The following CKAP5 variants were observed in gnomAD, a reference collection of about 807,000 sequenced individuals.
CKAP5 encodes cytoskeleton-associated protein 5.
In CKAP5, 27 loss-of-function variants were observed where a neutral mutation model predicts 232.8. The observed-to-expected ratio is 0.12, with a 90% CI of 0.09 to 0.16. The LOEUF (loss-of-function observed/expected upper bound fraction) is 0.16. CKAP5 is among the 10% of genes least tolerant of loss of function. The pLI is 1.00. For synonymous variants in CKAP5, 785 were observed against 841.1 expected, an observed-to-expected ratio of 0.93 and a Z score of 1.16; for missense variants, 1,838 against 2,424.7, an observed-to-expected ratio of 0.76 and a Z score of 5.08.
chr11:46,843,580 A>G (rs1940110115), intron 1 of CKAP5, among the ~76,000 whole-genome samples: 2 of 151,944 alleles, frequency 1.3e-5, no homozygotes, highest in South Asian at 4.1e-4. Flanking sequence ...AAACTAAAAA[A>G]ATTTGCCAGG....
chr11:46,783,160 C>T (rs1451694131), intron 18 of CKAP5, 114 bp downstream of exon 18: 1 of 576,400 alleles, frequency 1.7e-6, no homozygotes, highest in Non-Finnish European at 3.0e-6. Context: ...ATAAATGAGA[C>T]AATCCAGCTC....
At position 46,839,893 on chromosome 11, in the gene CKAP5, A is replaced by C. The variant is rs181852465; in HGVS notation, c.-38+6327T>G. Among the ~76,000 whole-genome samples, 423 of 152,224 alleles carry C rather than the reference A, an allele frequency of 2.8e-3. 2 individuals carry two copies. The highest frequency in any genetic ancestry group is 9.7e-3 in the African/African-American group (401 of 41,536). ...TTGGCTCATGCTTGTAACCCCAGCA[A>C]TTTGGGAGGGTAAGGAGGGCAGATT... On this transcript the variant is annotated intron_variant, in intron 1 of 43. Coordinates refer to ENST00000529230, the MANE Select transcript of CKAP5 (RefSeq NM_001008938.4).
intron 13 of CKAP5, among the ~76,000 whole-genome samples, chr11:46,792,292 C>T (rs1483826803): frequency 6.6e-6 from 1 of 152,074 alleles, no homozygotes; most frequent in Non-Finnish European, 1.5e-5. Flanking sequence ...GTGGCTCATG[C>T]CTGTAATTCC....
intron 1 of CKAP5, among the ~76,000 whole-genome samples, chr11:46,833,410 C>T (rs951241947): frequency 6.6e-6 from 1 of 152,078 alleles, no homozygotes; most frequent in Non-Finnish European, 1.5e-5. Context: ...GTAGTATTAA[C>T]AGATTTCATG....
At chr11:46,795,451 T>C in intron 13 of CKAP5, 143 bp downstream of exon 13, 3 of 630,718 alleles carry the variant, frequency 4.8e-6, no homozygotes, top group Non-Finnish European at 8.0e-6. Context: ...TGGAATATCC[T>C]ATCTTCATTA....
chr11:46,789,575 T>C (rs1054063354), intron 15 of CKAP5, among the ~76,000 whole-genome samples: 2 of 152,016 alleles, frequency 1.3e-5, no homozygotes, highest in Non-Finnish European at 1.5e-5. Context: ...GGCGGGCGGA[T>C]CACGAGGTCA....
intron 20 of CKAP5, 57 bp downstream of exon 20, chr11:46,780,137 A>G (rs1049025937): frequency 6.3e-7 from 1 of 1,588,012 alleles, no homozygotes. Flanking sequence ...CCAACAGTTT[A>G]GTCTTAATGA....
At chr11:46,789,433 G>C (rs1565736506) in intron 15 of CKAP5, among the ~76,000 whole-genome samples, 1 of 152,154 alleles carries the variant, frequency 6.6e-6, no homozygotes, top group Non-Finnish European at 1.5e-5. Context: ...CTGGATGAGG[G>C]GTGGTTTAAG....
chr11:46,812,006 A>G (rs923233900), intron 4 of CKAP5, among the ~76,000 whole-genome samples: 1 of 152,072 alleles, frequency 6.6e-6, no homozygotes, highest in African/African-American at 2.4e-5. Flanking sequence ...TCAGTTTTCT[A>G]TGGGGAAAAT....
intron 1 of CKAP5, among the ~76,000 whole-genome samples, chr11:46,831,735 T>C (rs952475780): frequency 6.6e-6 from 1 of 152,066 alleles, no homozygotes; most frequent in Admixed American, 6.6e-5. Context: ...TCTCACTATG[T>C]GGCCCAGGCT....
chr11:46,784,249 T>C (rs1322842208), intron 17 of CKAP5, among the ~76,000 whole-genome samples: 1 of 151,796 alleles, frequency 6.6e-6, no homozygotes, highest in African/African-American at 2.4e-5. Context: ...GTGCCTGTAA[T>C]CCCAGCTATG....
At chr11:46,801,388 G>T in intron 8 of CKAP5, 84 bp from the exon 9 acceptor site, 1 of 1,084,490 alleles carries the variant, frequency 9.2e-7, no homozygotes, top group Non-Finnish European at 1.4e-6. Context: ...AGAACTCTGA[G>T]GCCGGGTGCA....
chr11:46,753,357 G>A lies in CKAP5; in HGVS notation c.5010C>T (p.Leu1670=). ...EGQQVIRSVN[L]LVVKVLEKSD... ...ACTTCTCCAGAACCTTCACCACCAA[G>A]AGGTTCACAGAGCGGATGACCTGTT... The change falls in exon 37 of 44, where the codon CTC becomes CTT. Residue 1670 remains leucine (L), a synonymous_variant. Transcript: ENST00000529230. 6.2e-7 allele frequency: 1 copy of A among 1,613,834 alleles called. No homozygotes were observed. Among genetic ancestry groups the A allele is most frequent in the East Asian group, 2.2e-5 (1 of 44,850 alleles).
At chr11:46,785,378 T>A (rs577853359) in intron 16 of CKAP5, among the ~76,000 whole-genome samples, 1 of 152,150 alleles carries the variant, frequency 6.6e-6, no homozygotes, top group Admixed American at 6.6e-5. Context: ...CAGGCTGGAG[T>A]GCAGTGGTGA....
chr11:46,778,734 C>T (rs2065313303), intron 20 of CKAP5, 135 bp from the exon 21 acceptor site: 4 of 685,044 alleles, frequency 5.8e-6, no homozygotes, highest in Non-Finnish European at 9.9e-6. Context: ...TGACTACTAC[C>T]TAGATTACAA....
At chr11:46,754,734 A>G (rs1194532298) in intron 36 of CKAP5, among the ~76,000 whole-genome samples, 154 bp downstream of exon 36, 1 of 152,208 alleles carries the variant, frequency 6.6e-6, no homozygotes, top group Non-Finnish European at 1.5e-5. Context: ...CCAAACATCC[A>G]ATGGAAGCCA....
chr11:46,788,727 A>C lies in CKAP5; in HGVS notation c.1922T>G (p.Val641Gly). ...DRTEMPCQAL[V>G]RMLAKKPGWK... ...TCCAGGTTTCTTGGCTAGCATCCTC[A>C]CTAATGCCTGGCATGGCATTTCAGT... The change falls in exon 16 of 44, where the codon GTG becomes GGG. Residue 641 changes from valine to glycine, a missense_variant. Coordinates refer to ENST00000529230, the MANE Select transcript of CKAP5 (RefSeq NM_001008938.4). 3.7e-6 allele frequency: 6 copies of C among 1,607,844 alleles called. No individual in the cohort carries two copies. Among genetic ancestry groups the C allele is most frequent in the Non-Finnish European group, 5.1e-6 (6 of 1,178,058 alleles).
chr11:46,798,283 G>A (rs78632754), intron 9 of CKAP5, 111 bp from the exon 10 acceptor site: 1 of 788,616 alleles, frequency 1.3e-6, no homozygotes, highest in East Asian at 2.6e-5. Flanking sequence ...TAAAAAAAAA[G>A]CCAGTCACAG....
intron 8 of CKAP5, among the ~76,000 whole-genome samples, chr11:46,807,198 T>C (rs1240257304): frequency 2.0e-5 from 3 of 152,234 alleles, no homozygotes; most frequent in Non-Finnish European, 4.4e-5. Flanking sequence ...TACTGATTGA[T>C]GGAAATGTTG....
Sources: gnomAD v4.1 joint callset for allele counts (sites outside exome capture counted in the v4.1 genomes callset) on GRCh38, gnomAD v4.1.1 for gene constraint, MANE v1.5 for transcripts, NCBI Gene and HGNC (gene_info 2026-07-23, HGNC 2026-07-21) for gene names.